HDAC6: variants seen among roughly 807,000 people sequenced by gnomAD.
The protein encoded by HDAC6 is histone deacetylase 6, also known as protein deacetylase HDAC6.
Under a neutral mutation model 88.9 loss-of-function variants are expected in HDAC6, and 5 were observed. That is an observed-to-expected ratio of 0.06 (90% CI 0.03 to 0.12). The LOEUF (loss-of-function observed/expected upper bound fraction) is 0.12, where lower values mean the gene tolerates loss of function less well. Among genes scored for constraint, HDAC6 ranks in the 10% least tolerant of loss-of-function variants. HDAC6 has a pLI of 1.00. For missense variants in HDAC6, 706 were observed against 1,014.4 expected, an observed-to-expected ratio of 0.70 and a Z score of 4.13; for synonymous variants, 378 against 398.0, an observed-to-expected ratio of 0.95 and a Z score of 0.60.
chrX:48,810,752 G>T (rs1016808295), intron 10 of HDAC6: 8 of 110,253 alleles, frequency 7.3e-5, no homozygotes, highest in Non-Finnish European at 1.5e-4. Flanking sequence ...GGGACCACAG[G>T]TGCACACCAG....
At chrX:48,803,339 A>G in intron 4 of HDAC6, 123 bp downstream of exon 4, 1 of 542,742 alleles carries the variant, frequency 1.8e-6, no homozygotes, top group Non-Finnish European at 3.1e-6. Context: ...TTGGGGAGGT[A>G]GGGCTCACAC....
At position 48,823,779 on chromosome X, in the gene HDAC6, T is replaced by G; in HGVS notation, c.3297T>G (p.Thr1099=). ...TGATGCAGGGATCTAGGGGCCTCAC[T>G]GATCAGGTGAGCTCAGGGAGAGGCT... ...SMLMQGSRGL[T]DQAIFYAVTP... The change falls in exon 26 of 29, where the codon ACT becomes ACG. Residue 1099 remains threonine (T), a synonymous_variant. Transcript: ENST00000334136. 8.3e-7 allele frequency: 1 copy of G among 1,202,395 alleles called. No individual in the cohort carries two copies. The highest frequency in any genetic ancestry group is 1.1e-6 in the Non-Finnish European group (1 of 887,344).
intron 22 of HDAC6, 116 bp from the exon 23 acceptor site, chrX:48,819,990 C>T: frequency 1.4e-6 from 1 of 725,058 alleles, no homozygotes; most frequent in South Asian, 2.2e-5. Flanking sequence ...ATCTCTCTGA[C>T]TTGCATCTCC....
Position 48,803,170 on chromosome X carries a change from G to T in HDAC6, c.265G>T (p.Val89Leu). Residue 89 changes from valine to leucine, a missense_variant, in exon 4 of 29, where the codon GTG (valine) becomes TTG (leucine). Transcript: ENST00000334136. The part of the protein sequence containing the change: ...EAEALAGTGL[V>L]LDEQLNEFHC... ...TGAAGCACTGGCTGGCACTGGCTTGGTGTTGGATGAGCAGTTAAATGAATT... is the reference window on the plus strand; with the variant it reads ...TGAAGCACTGGCTGGCACTGGCTTGTTGTTGGATGAGCAGTTAAATGAATT... 8.3e-7 allele frequency: 1 copy of T among 1,210,726 alleles called. No individual in the cohort carries two copies. The highest frequency in any genetic ancestry group is 1.1e-6 in the Non-Finnish European group (1 of 894,822).
At position 48,802,857 on chromosome X, in the gene HDAC6, T is replaced by C. The variant is rs1330113321; in HGVS notation, c.94-14T>C. ...GTCATGCCCTGGACTCTGACCCTTC[T>C]CTCTGATTCACAGAAGCGAAATATT... On this transcript the variant is annotated splice_polypyrimidine_tract_variant and intron_variant, in intron 2 of 28. Transcript: ENST00000334136. The C allele has an allele frequency of 8.3e-7, 1 of 1,206,600 alleles. No individual in the cohort carries two copies. The highest frequency in any genetic ancestry group is 2.2e-5 in the Admixed American group (1 of 45,438).
rs371474323 is a variant in HDAC6, at chrX:48,808,632, C to T, written c.806+306C>T. Among the ~76,000 whole-genome samples, 143 of 112,205 alleles carry T rather than the reference C, an allele frequency of 1.3e-3. 2 individuals carry two copies. The South Asian group carries it at 0.044, about 34-fold the overall frequency. On this transcript the variant is annotated intron_variant, in intron 10 of 28. Transcript: ENST00000334136. ...TTGAAGATCTTATTCACTGATTAAC[C>T]GTTGGGTTAGAGTGAACCTCAAATT...
At chrX:48,806,854 G>A in intron 8 of HDAC6, 148 bp downstream of exon 8, 1 of 408,312 alleles carries the variant, frequency 2.4e-6, no homozygotes, top group Non-Finnish European at 4.1e-6. Context: ...TCCCATCCTT[G>A]TCACCCAGAC....
intron 10 of HDAC6, among the ~76,000 whole-genome samples, chrX:48,809,542 C>T (rs2062867477): frequency 9.0e-6 from 1 of 111,346 alleles, no homozygotes; most frequent in Non-Finnish European, 1.9e-5. Context: ...AAGTAGCTCA[C>T]TCCTGTAATC....
rs375317562 is a variant in HDAC6 at position 48,824,095 on chromosome X, C to T, written c.3450+27C>T. 122 of 1,203,788 alleles carry T rather than the reference C, an allele frequency of 1.0e-4. 1 individual carries two copies. The African/African-American group carries it at 1.6e-3, about 15-fold the overall frequency. On this transcript the variant is annotated intron_variant, in intron 27 of 28. Coordinates refer to ENST00000334136, the MANE Select transcript of HDAC6 (RefSeq NM_006044.4). ...TATGGAGCAGAGGAAGGGGATGGGG[C>T]GGAGGTTGGCCCGGGAGCAAACTGC... is the stretch of plus-strand genomic sequence containing the variant.
chrX:48,818,699 G>A (rs2063031664), intron 22 of HDAC6, among the ~76,000 whole-genome samples: 1 of 112,380 alleles, frequency 8.9e-6, no homozygotes, highest in African/African-American at 3.2e-5. Context: ...CCGTGTCCTG[G>A]CTGGATCTGT....
rs782535069 is a variant in HDAC6 at position 48,806,754 on chromosome X, C to CT, written c.632+50dup. 5.2e-5 allele frequency: 41 copies of CT among 788,783 alleles called. No individual in the cohort carries two copies. The African/African-American group carries it at 5.7e-4, about 11-fold the overall frequency. The allele number at this position is 788,783 out of a possible 1,213,427, so 65.0% of individuals were successfully genotyped here. ...TTTTTACATTGTTTTAAAGTCCTTC[C>CT]TTCAAGTGTAAAATGTATTGATATG... On this transcript the variant is annotated intron_variant, in intron 8 of 28. Coordinates refer to ENST00000334136, the MANE Select transcript of HDAC6 (RefSeq NM_006044.4).
chrX:48,802,085 G>T lies in HDAC6; in HGVS notation c.-88G>T. 1 of 895,009 alleles carries T rather than the reference G, an allele frequency of 1.1e-6. No homozygotes were observed. The highest frequency in any genetic ancestry group is 1.4e-6 in the Non-Finnish European group (1 of 719,400). The allele number at this position is 895,009 out of a possible 1,213,427, so 73.8% of individuals were successfully genotyped here. On this transcript the variant is annotated 5_prime_UTR_variant, in exon 1 of 29. Coordinates refer to ENST00000334136, the MANE Select transcript of HDAC6 (RefSeq NM_006044.4). ...TGGAGCTGGTTGAAGGAACGGGGCAGTCCCCTGAGGAGCGGGGCTGGTTGA... is the reference window on the plus strand; with the variant it reads ...TGGAGCTGGTTGAAGGAACGGGGCATTCCCCTGAGGAGCGGGGCTGGTTGA...
rs1293302741 is a variant in HDAC6 at position 48,823,802 on chromosome X, G to C, written c.3303+17G>C. 1.7e-6 allele frequency: 2 copies of C among 1,194,593 alleles called. No individual in the cohort carries two copies. The highest frequency in any genetic ancestry group is 2.2e-5 in the Admixed American group (1 of 45,803). ...ACTGATCAGGTGAGCTCAGGGAGAG[G>C]CTGGGACTGTGGCTTCCTTCTCTTG... On this transcript the variant is annotated intron_variant, in intron 26 of 28. Coordinates refer to ENST00000334136, the MANE Select transcript of HDAC6 (RefSeq NM_006044.4).
chrX:48,824,646 GC>G lies in HDAC6; in HGVS notation c.*37del. On this transcript the variant is annotated 3_prime_UTR_variant, in exon 29 of 29. Coordinates refer to ENST00000334136, the MANE Select transcript of HDAC6 (RefSeq NM_006044.4). ...ATACGGTCCCTCTTCACCTTCTGAG[GC>G]CCACGATAGACCAGCTGTAGCTCAT... The G allele has an allele frequency of 5.0e-6, 6 of 1,199,606 alleles. No individual in the cohort carries two copies. The highest frequency in any genetic ancestry group is 6.8e-6 in the Non-Finnish European group (6 of 887,622).
rs1258069639 is a variant in HDAC6, at chrX:48,818,038, C to T, written c.1926-3C>T. Reference sequence around the variant, plus strand: ...GGTTACTGAGGTGCTGTCTCCTCCCCAGGATCCTGATTGTGGATTGGGATG... The same window carrying T: ...GGTTACTGAGGTGCTGTCTCCTCCCTAGGATCCTGATTGTGGATTGGGATG... On this transcript the variant is annotated splice_polypyrimidine_tract_variant and splice_region_variant and intron_variant, in intron 20 of 28. Coordinates refer to ENST00000334136, the MANE Select transcript of HDAC6 (RefSeq NM_006044.4). The T allele has an allele frequency of 2.5e-6, 3 of 1,191,373 alleles. No individual in the cohort carries two copies. The highest frequency in any genetic ancestry group is 3.4e-6 in the Non-Finnish European group (3 of 885,455).
At chrX:48,817,251 CAAAAAAAA>C in intron 19 of HDAC6, 67 bp from the exon 20 acceptor site, 1 of 826,922 alleles carries the variant, frequency 1.2e-6, no homozygotes, top group Non-Finnish European at 1.5e-6. Flanking sequence ...GACTCCGTCT[CAAAAAAAA>C]AAAAAAAAAA....
Position 48,824,666 on chromosome X carries a change from A to G in HDAC6, c.*54A>G. On this transcript the variant is annotated 3_prime_UTR_variant, in exon 29 of 29. Coordinates refer to ENST00000334136, the MANE Select transcript of HDAC6 (RefSeq NM_006044.4). Reference sequence around the variant, plus strand: ...CTGAGGCCCACGATAGACCAGCTGTAGCTCATTCCAGCCTGTACCTTGGAT... The same window carrying G: ...CTGAGGCCCACGATAGACCAGCTGTGGCTCATTCCAGCCTGTACCTTGGAT... 2.5e-6 allele frequency: 3 copies of G among 1,187,364 alleles called. No individual in the cohort carries two copies. The highest frequency in any genetic ancestry group is 3.7e-5 in the South Asian group (2 of 53,535).
chrX:48,818,368 T>C lies in HDAC6; in HGVS notation c.2143T>C (p.Tyr715His). Residue 715 changes from tyrosine to histidine, a missense_variant, in exon 22 of 29, where the codon TAC becomes CAC. Physicochemically the swap from Tyr to His is moderately conservative, Grantham distance 83. Coordinates refer to ENST00000334136, the MANE Select transcript of HDAC6 (RefSeq NM_006044.4). ...CGGGCCCCGCATGGGTGATGCTGAC[T>C]ACCTAGCTGCCTGGCATCGCCTGGT... ...WNGPRMGDAD[Y>H]LAAWHRLVLP... The C allele has an allele frequency of 8.4e-7, 1 of 1,191,446 alleles. No homozygotes were observed. The highest frequency in any genetic ancestry group is 1.1e-6 in the Non-Finnish European group (1 of 884,692).
At chrX:48,814,258 G>A (rs902946222) in intron 10 of HDAC6, 182 bp from the exon 11 acceptor site, 48 of 466,828 alleles carry the variant, frequency 1.0e-4, no homozygotes, top group Non-Finnish European at 9.4e-5. Flanking sequence ...GAATGTAAGG[G>A]TAAATTAATG....
Sources: gnomAD v4.1 joint callset for allele counts (sites outside exome capture counted in the v4.1 genomes callset) on GRCh38, gnomAD v4.1.1 for gene constraint, MANE v1.5 for transcripts, NCBI Gene and HGNC (gene_info 2026-07-23, HGNC 2026-07-21) for gene names.